The following TBC1D30 variants were observed in gnomAD, a reference collection of about 807,000 sequenced individuals.
TBC1D30 encodes the protein TBC1 domain family, member 30.
In TBC1D30, 31 loss-of-function variants were observed where a neutral mutation model predicts 63.2. The ratio of observed to expected loss-of-function variants is 0.49; its 90% CI spans 0.37 to 0.66. The LOEUF is 0.66. TBC1D30 is among the 30% of genes least tolerant of loss of function. The probability of loss-of-function intolerance (pLI) is 0.00; values close to 1 mark genes in which losing one functional copy is unlikely to be tolerated. For missense variants in TBC1D30, 810 were observed against 953.6 expected, an observed-to-expected ratio of 0.85 and a Z score of 1.98; for synonymous variants, 307 against 361.5, an observed-to-expected ratio of 0.85 and a Z score of 1.71.
chr12:64,844,101 A>G (rs1213922978), intron 8 of TBC1D30, among the ~76,000 whole-genome samples: 4 of 152,166 alleles, frequency 2.6e-5, no homozygotes, highest in Non-Finnish European at 5.9e-5. Flanking sequence ...GCCTACTTAG[A>G]CTTGTGGGGG....
rs1874752093 is a variant in TBC1D30, at chr12:64,830,459, G to A, written c.365G>A (p.Arg122Lys). The change falls in exon 4 of 12, where the codon AGG becomes AAG. Residue 122 changes from arginine (R) to lysine (K), a missense_variant. Arg to Lys is a conservative substitution (Grantham distance 26). Transcript: ENST00000539867. Reference protein sequence around the residue: ...DKTMRFTFNERSNPDDDSMGI... With the variant: ...DKTMRFTFNEKSNPDDDSMGI... ...ACCATGCGCTTCACTTTCAATGAAA[G>A]GAGTAATCCTGATGATGACTCCATG... 4.6e-6 allele frequency: 7 copies of A among 1,535,574 alleles called. No homozygotes were observed. Among genetic ancestry groups the A allele is most frequent in the Non-Finnish European group, 3.5e-6 (4 of 1,146,554 alleles).
intron 1 of TBC1D30, among the ~76,000 whole-genome samples, chr12:64,760,769 A>G (rs887303944): frequency 4.6e-5 from 7 of 152,066 alleles, no homozygotes; most frequent in Admixed American, 3.3e-4. Context: ...ACTATACTAT[A>G]AGGTAAAAAT....
At chr12:64,788,047 GA>G (rs1043964475) in intron 2 of TBC1D30, among the ~76,000 whole-genome samples, 6 of 151,762 alleles carry the variant, frequency 4.0e-5, no homozygotes, top group Admixed American at 6.6e-5. Flanking sequence ...AAAAAAAAAA[GA>G]AAGAGTGCTG....
chr12:64,759,952 A>G (rs1214091478), intron 1 of TBC1D30, among the ~76,000 whole-genome samples: 1 of 152,180 alleles, frequency 6.6e-6, no homozygotes, highest in African/African-American at 2.4e-5. Flanking sequence ...TAACATTCTC[A>G]TTTGGCTCAG....
At chr12:64,861,456 G>A (rs1409158436) in intron 8 of TBC1D30, among the ~76,000 whole-genome samples, 7 of 152,048 alleles carry the variant, frequency 4.6e-5, no homozygotes, top group African/African-American at 1.7e-4. Flanking sequence ...GAAAAATGTG[G>A]GCTGAATGTA....
chr12:64,766,759 C>T (rs527535161), intron 1 of TBC1D30, among the ~76,000 whole-genome samples: 36 of 152,282 alleles, frequency 2.4e-4, no homozygotes, highest in African/African-American at 8.4e-4. Flanking sequence ...TCTCAAGTGC[C>T]TGTGGAATAT....
intron 2 of TBC1D30, among the ~76,000 whole-genome samples, chr12:64,818,288 A>G (rs903083410): frequency 3.3e-5 from 5 of 152,204 alleles, no homozygotes; most frequent in Non-Finnish European, 7.3e-5. Flanking sequence ...TTAGTAGCTC[A>G]ATGAAATGGA....
At position 64,880,491 on chromosome 12, in the gene TBC1D30, A is replaced by G. The variant is rs1879392562; in HGVS notation, c.*4703A>G. On this transcript the variant is annotated 3_prime_UTR_variant, in exon 12 of 12. Coordinates refer to ENST00000539867, the MANE Select transcript of TBC1D30 (RefSeq NM_015279.2). ...CTGGTTTGCAGATGGCTACCTTCTC[A>G]CTGTGTCCTCACACAATGGAGAAAG... 1 of 152,222 alleles carries G rather than the reference A, an allele frequency of 6.6e-6. No homozygotes were observed. The highest frequency in any genetic ancestry group is 1.5e-5 in the Non-Finnish European group (1 of 68,060). 9.4% of individuals were successfully genotyped at this position (152,222 alleles called of 1,614,324 possible).
rs74234977 is a variant in TBC1D30 at position 64,771,932 on chromosome 12, G to A, written c.-376+12283G>A. ...AAGATTGGAGAAAGGGAGGTCTGGGGTTGTGGCACGTGGATGAACATACAG... is the reference window on the plus strand; with the variant it reads ...AAGATTGGAGAAAGGGAGGTCTGGGATTGTGGCACGTGGATGAACATACAG... On this transcript the variant is annotated intron_variant, in intron 1 of 13. Coordinates refer to the TBC1D30 transcript ENST00000674237. Among the ~76,000 whole-genome samples, 14 of 152,216 alleles carry A rather than the reference G, an allele frequency of 9.2e-5. No homozygotes were observed. In the East Asian group the frequency reaches 2.5e-3, roughly 27 times the overall value.
intron 1 of TBC1D30, 24 bp downstream of exon 1, chr12:64,825,057 G>T (rs1236823025): frequency 1.3e-6 from 2 of 1,523,996 alleles, no homozygotes; most frequent in Admixed American, 2.0e-5. Context: ...GGCTGCAGAT[G>T]GGGCGCTGTA....
intron 2 of TBC1D30, among the ~76,000 whole-genome samples, chr12:64,798,868 A>G (rs562518776): frequency 6.9e-6 from 1 of 145,394 alleles, no homozygotes; most frequent in African/African-American, 2.6e-5. Context: ...GCTAGAGTAC[A>G]GTGGCACGAT....
At chr12:64,844,074 A>T (rs537271974) in intron 8 of TBC1D30, among the ~76,000 whole-genome samples, 7 of 152,202 alleles carry the variant, frequency 4.6e-5, no homozygotes, top group African/African-American at 1.7e-4. Context: ...GATTATAGGC[A>T]TGAACCACTG....
Position 64,836,529 on chromosome 12 carries a change from T to C in TBC1D30, c.634T>C (p.Tyr212His). 1.3e-6 allele frequency: 2 copies of C among 1,536,048 alleles called. No homozygotes were observed. Among genetic ancestry groups the C allele is most frequent in the Non-Finnish European group, 1.7e-6 (2 of 1,146,846 alleles). ...YLIDKVLPES[Y>H]FVNNLRALSV... ...TATTGATAAGGTACTTCCCGAAAGC[T>C]ATTTCGTCAATAATCTCCGGGCATT... The change falls in exon 6 of 12, where the codon TAT becomes CAT. Residue 212 changes from tyrosine to histidine, a missense_variant. By Grantham distance (83) the Tyr-to-His change is moderately conservative (BLOSUM62 2). Transcript: ENST00000539867.
chr12:64,875,340 G>T lies in TBC1D30; in HGVS notation c.1838G>T (p.Gly613Val). 1 of 1,536,266 alleles carries T rather than the reference G, an allele frequency of 6.5e-7. No homozygotes were observed. Among genetic ancestry groups the T allele is most frequent in the Non-Finnish European group, 8.7e-7 (1 of 1,146,922 alleles). ...GGGGCAGCAGAGGCATTCCCCTCTG[G>T]TTGTACAGCGACAGCTGGGAGAGAA... Reference protein sequence around the residue: ...GLGAAEAFPSGCTATAGREGS... With the variant: ...GLGAAEAFPSVCTATAGREGS... Residue 613 changes from glycine to valine, a missense_variant, in exon 12 of 12, where the codon GGT becomes GTT. Gly to Val is a moderately radical substitution (Grantham distance 109, BLOSUM62 -3). Around this residue, in one of 4 missense-constraint regions of TBC1D30, gnomAD observed 450 missense variants for 473.0 expected, o/e 0.95. Coordinates refer to ENST00000539867, the MANE Select transcript of TBC1D30 (RefSeq NM_015279.2).
At chr12:64,785,818 C>T in intron 1 of TBC1D30, 1 of 1,211,222 alleles carries the variant, frequency 8.3e-7, no homozygotes, top group Non-Finnish European at 1.1e-6. Flanking sequence ...GGACTAATAT[C>T]ACACTGGAAT....
In TBC1D30 at chr12:64,877,051, G is replaced by A. The variant is rs1482783150; in HGVS notation, c.*1263G>A. 1 of 368,676 alleles carries A rather than the reference G, an allele frequency of 2.7e-6. No homozygotes were observed. Among genetic ancestry groups the A allele is most frequent in the Non-Finnish European group, 5.5e-6 (1 of 182,896 alleles). The allele number at this position is 368,676 out of a possible 1,614,324, so 22.8% of individuals were successfully genotyped here. A position where few individuals can be genotyped will look rare whatever the true frequency, so the allele number is the denominator to read the frequency against. ...TACATAGCGTGTAAAAACCAAGACT[G>A]GGAAGCCATTCACTAAAATCCCTCC... On this transcript the variant is annotated 3_prime_UTR_variant, in exon 12 of 12. Transcript: ENST00000539867.
intron 2 of TBC1D30, among the ~76,000 whole-genome samples, chr12:64,789,641 T>C (rs1871810040): frequency 6.6e-6 from 1 of 152,222 alleles, no homozygotes; most frequent in Admixed American, 6.5e-5. Context: ...TAGATCATTT[T>C]TATTTCTAAC....
chr12:64,782,415 T>C (rs1448533804), intron 1 of TBC1D30, among the ~76,000 whole-genome samples: 1 of 151,982 alleles, frequency 6.6e-6, no homozygotes, highest in African/African-American at 2.4e-5. Flanking sequence ...CCCCAGCTGA[T>C]TGTTACAGAT....
Position 64,813,921 on chromosome 12 carries a change from C to T in TBC1D30, c.644-13914C>T, listed in dbSNP as rs570344901. On this transcript the variant is annotated intron_variant, in intron 2 of 12. Transcript: ENST00000542120. ...GAGGAGAGAGAGACAACAATGAGTA[C>T]GACTTAGTTCCTGTGTCACAGTTTA... 7.9e-5 allele frequency among the ~76,000 whole-genome samples: 12 copies of T among 152,172 alleles called. No homozygotes were observed. The South Asian group carries it at 2.5e-3, about 32-fold the overall frequency.
Sources: allele counts gnomAD v4.1 joint callset (sites outside exome capture counted in the v4.1 genomes callset), GRCh38; gene constraint gnomAD v4.1.1; regional missense constraint gnomAD v4.1.1; transcripts MANE v1.5; gene names NCBI Gene and HGNC (gene_info 2026-07-23, HGNC 2026-07-21).